FLYWCH1: variants seen among roughly 807,000 people sequenced by gnomAD.
FLYWCH1 encodes the protein FLYWCH-type zinc finger 1, also known as FLYWCH-type zinc finger-containing protein 1.
Under a neutral mutation model 66.4 loss-of-function variants are expected in FLYWCH1, and 75 were observed. The ratio of observed to expected loss-of-function variants is 1.13; its 90% CI spans 0.94 to 1.37. The LOEUF is 1.37. Ranked by LOEUF, FLYWCH1 falls within the 40% of genes most tolerant of loss-of-function variation. The probability of loss-of-function intolerance (pLI) is 0.00; values close to 1 mark genes in which losing one functional copy is unlikely to be tolerated. For missense variants in FLYWCH1, 1,334 were observed against 1,001.8 expected, an observed-to-expected ratio of 1.33 and a Z score of -4.48; for synonymous variants, 595 against 429.9, an observed-to-expected ratio of 1.38 and a Z score of -4.75.
intron 2 of FLYWCH1, among the ~76,000 whole-genome samples, chr16:2,918,815 AAATAGTAGG>A (rs1398315034): frequency 6.6e-6 from 1 of 152,184 alleles, no homozygotes; most frequent in Non-Finnish European, 1.5e-5. Flanking sequence ...AATAGAAAGG[AAATAGTAGG>A]AAAGACCAGT....
intron 2 of FLYWCH1, among the ~76,000 whole-genome samples, chr16:2,924,930 C>T (rs779621759): frequency 6.6e-6 from 1 of 152,212 alleles, no homozygotes; most frequent in Non-Finnish European, 1.5e-5. Context: ...GGACTGCGCT[C>T]TCTCCTGTCA....
chr16:2,945,106 T>G lies in FLYWCH1; in HGVS notation c.2112-3582T>G, dbSNP rs533500609. Among the ~76,000 whole-genome samples, 93 of 152,006 alleles carry G rather than the reference T, an allele frequency of 6.1e-4. 1 individual carries two copies. The highest frequency in any genetic ancestry group is 8.8e-5 in the Non-Finnish European group (6 of 67,950). On this transcript the variant is annotated intron_variant, in intron 9 of 9. Coordinates refer to ENST00000253928, the MANE Select transcript of FLYWCH1 (RefSeq NM_001308068.2). ...GGCTCACACCTGTAATCCCAGCACT[T>G]TGGGAGGCTGAGGTGGGTGGATCAC...
At chr16:2,918,665 T>C (rs2070260369) in intron 2 of FLYWCH1, among the ~76,000 whole-genome samples, 1 of 151,852 alleles carries the variant, frequency 6.6e-6, no homozygotes, top group South Asian at 2.1e-4. Flanking sequence ...GGTCTCAAAC[T>C]CCCGACCTCA....
At chr16:2,933,070 C>T in intron 4 of FLYWCH1, 60 bp from the exon 5 acceptor site, 2 of 1,447,036 alleles carry the variant, frequency 1.4e-6, no homozygotes, top group Non-Finnish European at 1.9e-6. Flanking sequence ...TCTGCAGGGG[C>T]TGTCCCTCCT....
At chr16:2,918,784 A>T (rs971130177) in intron 2 of FLYWCH1, among the ~76,000 whole-genome samples, 1 of 152,126 alleles carries the variant, frequency 6.6e-6, no homozygotes, top group East Asian at 1.9e-4. Context: ...AAATTCGCCA[A>T]TGAATAACAA....
intron 9 of FLYWCH1, among the ~76,000 whole-genome samples, chr16:2,944,657 T>C (rs768105624): frequency 1.3e-5 from 2 of 151,526 alleles, no homozygotes; most frequent in Non-Finnish European, 2.9e-5. Flanking sequence ...ACCCCGTCTC[T>C]ACTAAAAATA....
At chr16:2,923,090 TTG>T (rs2070434448) in intron 2 of FLYWCH1, 1 of 418,518 alleles carries the variant, frequency 2.4e-6, no homozygotes, top group Non-Finnish European at 4.6e-6. Context: ...ATAGTTTGTT[TTG>T]TGTGTGTGGC....
intron 7 of FLYWCH1, 74 bp from the exon 8 acceptor site, chr16:2,938,110 G>A (rs2071094138): frequency 9.0e-6 from 13 of 1,445,832 alleles, no homozygotes; most frequent in Non-Finnish European, 1.2e-5. Context: ...CCTGGCTGGG[G>A]GATACAAATC....
rs35609623 is a variant in FLYWCH1 at position 2,918,147 on chromosome 16, C to CT, written c.-74+3878dup. On this transcript the variant is annotated intron_variant, in intron 2 of 9. Transcript: ENST00000253928. ...TGCCACTGTGCCTGGCCTTGGATTC[C>CT]TTTTTTTTTTTTTTTTTTTTGAGAC... Among the ~76,000 whole-genome samples, 959 of 103,718 alleles carry CT rather than the reference C, an allele frequency of 9.2e-3. 34 individuals are homozygous for CT. The highest frequency in any genetic ancestry group is 0.03 in the African/African-American group (808 of 26,672). The allele number at this position is 103,718 out of a possible 152,430, so 68.0% of individuals were successfully genotyped here.
intron 9 of FLYWCH1, among the ~76,000 whole-genome samples, chr16:2,947,773 A>T (rs1018497877): frequency 2.0e-5 from 3 of 151,912 alleles, no homozygotes; most frequent in African/African-American, 7.3e-5. Flanking sequence ...CAAAAAAAAA[A>T]AAAAAAAAAT....
chr16:2,941,038 G>T (rs969986222), intron 9 of FLYWCH1, among the ~76,000 whole-genome samples: 1 of 152,228 alleles, frequency 6.6e-6, no homozygotes, highest in Non-Finnish European at 1.5e-5. Flanking sequence ...GGCAGAGGTT[G>T]CAGTGAGCCA....
intron 6 of FLYWCH1, 143 bp downstream of exon 6, chr16:2,934,122 T>A: frequency 3.7e-6 from 4 of 1,093,240 alleles, no homozygotes; most frequent in Non-Finnish European, 5.1e-6. Flanking sequence ...GGCCCTGGCC[T>A]CCTACTCCTT....
At position 2,948,731 on chromosome 16, in the gene FLYWCH1, G is replaced by A. The variant is rs557198078; in HGVS notation, c.*4G>A. On this transcript the variant is annotated 3_prime_UTR_variant, in exon 10 of 10. Coordinates refer to ENST00000253928, the MANE Select transcript of FLYWCH1 (RefSeq NM_001308068.2). ...ACTGGATGGCGAGTCCCAGTGAGGCGATGTGGGCAGAGGAGCTCCGAGCCG... is the reference window on the plus strand; with the variant it reads ...ACTGGATGGCGAGTCCCAGTGAGGCAATGTGGGCAGAGGAGCTCCGAGCCG... 19 of 1,613,808 alleles carry A rather than the reference G, an allele frequency of 1.2e-5. No individual in the cohort carries two copies. The highest frequency in any genetic ancestry group is 1.1e-4 in the African/African-American group (8 of 75,054).
At position 2,930,710 on chromosome 16, in the gene FLYWCH1, G is replaced by A; in HGVS notation, c.626G>A (p.Gly209Glu). The A allele has an allele frequency of 6.5e-7, 1 of 1,545,448 alleles. No homozygotes were observed. Among genetic ancestry groups the A allele is most frequent in the Non-Finnish European group, 8.7e-7 (1 of 1,148,752 alleles). The change falls in exon 4 of 10, where the codon GGA becomes GAA. Residue 209 changes from glycine (G) to glutamate (E), a missense_variant. Coordinates refer to ENST00000253928, the MANE Select transcript of FLYWCH1 (RefSeq NM_001308068.2). ...LGEPQGPEGP[G>E]GRVEEPLEGV... ...GAGCCCCAGGGTCCTGAGGGCCCTGGAGGCCGAGTGGAGGAGCCCCTGGAG... is the reference window on the plus strand; with the variant it reads ...GAGCCCCAGGGTCCTGAGGGCCCTGAAGGCCGAGTGGAGGAGCCCCTGGAG...
intron 9 of FLYWCH1, 42 bp downstream of exon 9, chr16:2,940,134 C>A (rs1477947654): frequency 1.1e-6 from 1 of 930,676 alleles, no homozygotes; most frequent in Non-Finnish European, 1.8e-6. Flanking sequence ...CCAATTACAA[C>A]AAAACGTAGT....
chr16:2,933,823 C>A lies in FLYWCH1; in HGVS notation c.1357C>A (p.Arg453=), dbSNP rs1313670616. 1.9e-6 allele frequency: 3 copies of A among 1,608,988 alleles called. No individual in the cohort carries two copies. Among genetic ancestry groups the A allele is most frequent in the Non-Finnish European group, 8.5e-7 (1 of 1,178,162 alleles). ...TGGGGAGAAGGTGTATTGGACCTGC[C>A]GGGACCAGGCCCGCATGGGCTGCCG... is the stretch of plus-strand genomic sequence containing the variant. The part of the protein sequence containing the change: ...AAGEKVYWTC[R]DQARMGCRSR... Residue 453 remains arginine, a synonymous_variant, in exon 6 of 10, where the codon CGG becomes AGG. Coordinates refer to ENST00000253928, the MANE Select transcript of FLYWCH1 (RefSeq NM_001308068.2).
At chr16:2,914,822 C>A (rs1210493406) in intron 2 of FLYWCH1, among the ~76,000 whole-genome samples, 1 of 151,064 alleles carries the variant, frequency 6.6e-6, no homozygotes, top group Non-Finnish European at 1.5e-5. Flanking sequence ...ATCGCTTGAA[C>A]CTGGTTCAAG....
At chr16:2,927,612 G>A (rs1039124150) in intron 2 of FLYWCH1, among the ~76,000 whole-genome samples, 7 of 152,130 alleles carry the variant, frequency 4.6e-5, no homozygotes, top group Non-Finnish European at 1.0e-4. Flanking sequence ...TAGAACATTT[G>A]GGGGGAAATG....
chr16:2,937,636 G>C (rs1477243061), intron 7 of FLYWCH1, among the ~76,000 whole-genome samples: 2 of 152,044 alleles, frequency 1.3e-5, no homozygotes, highest in African/African-American at 4.8e-5. Flanking sequence ...ATGGTGGCCA[G>C]GGGTGGCATT....
Sources: gnomAD v4.1 joint callset for allele counts (sites outside exome capture counted in the v4.1 genomes callset) on GRCh38, gnomAD v4.1.1 for gene constraint, MANE v1.5 for transcripts, NCBI Gene and HGNC (gene_info 2026-07-23, HGNC 2026-07-21) for gene names.